The following PCDH15 variants were observed in gnomAD, a reference collection of about 807,000 sequenced individuals.
PCDH15 encodes protocadherin-15.
In PCDH15, 129 loss-of-function variants were observed where a neutral mutation model predicts 178.5. That is an observed-to-expected ratio of 0.72 (90% CI 0.63 to 0.84). PCDH15 has a LOEUF of 0.84. Among genes scored for constraint, PCDH15 ranks in the 40% least tolerant of loss-of-function variants. PCDH15 has a pLI of 0.00. For missense variants in PCDH15, 2,230 were observed against 2,099.9 expected (o/e 1.06, Z -1.21); for synonymous variants, 800 against 732.0 (o/e 1.09, Z -1.50).
At position 53,828,568 on chromosome 10, in the gene PCDH15, T is replaced by C. The variant is rs778508372; in HGVS notation, c.4208A>G (p.Lys1403Arg). The part of the protein sequence containing the change: ...LVVLVSYRQF[K>R]VRQAECTKTA... ...GTAAAATGTTAATTATACTTACACT[T>C]TAAACCTGTTTGGGAAAGCAAGAGT... The change falls in exon 31 of 38, where the codon AAA (lysine) becomes AGA (arginine). Residue 1403 changes from lysine to arginine, a missense_variant. Coordinates refer to ENST00000644397, the MANE Select transcript of PCDH15 (RefSeq NM_001384140.1). 1.3e-5 allele frequency: 20 copies of C among 1,553,894 alleles called. No homozygotes were observed. The highest frequency in any genetic ancestry group is 3.3e-5 in the South Asian group (3 of 89,720).
intron 2 of PCDH15, among the ~76,000 whole-genome samples, chr10:55,038,445 T>G (rs1840788547): frequency 6.6e-6 from 1 of 152,232 alleles, no homozygotes; most frequent in African/African-American, 2.4e-5. Context: ...TGGTCAAGGA[T>G]AATCAAAAAT....
chr10:54,018,263 T>C (rs372708348), intron 20 of PCDH15, among the ~76,000 whole-genome samples: 2 of 152,228 alleles, frequency 1.3e-5, no homozygotes, highest in Non-Finnish European at 1.5e-5. Flanking sequence ...GCTTTGCTAT[T>C]GTAGTACTGG....
intron 2 of PCDH15, among the ~76,000 whole-genome samples, chr10:55,419,540 T>C (rs1253594069): frequency 1.3e-5 from 2 of 151,760 alleles, no homozygotes; most frequent in Non-Finnish European, 1.5e-5. Context: ...ACTAATCAGA[T>C]AGTAGCAGTT....
intron 23 of PCDH15, 150 bp from the exon 24 acceptor site, chr10:53,941,125 C>A: frequency 1.6e-6 from 1 of 632,246 alleles, no homozygotes; most frequent in African/African-American, 1.8e-5. Flanking sequence ...TCAAATCCCC[C>A]ACCCAACTGC....
chr10:54,523,052 A>C (rs1343290847), intron 3 of PCDH15, among the ~76,000 whole-genome samples: 1 of 152,236 alleles, frequency 6.6e-6, no homozygotes, highest in Non-Finnish European at 1.5e-5. Context: ...CACAAATGAC[A>C]GTAAAAGCAA....
chr10:55,406,066 T>C (rs1588995360), intron 2 of PCDH15, among the ~76,000 whole-genome samples: 1 of 102,712 alleles, frequency 9.7e-6, no homozygotes, highest in African/African-American at 4.5e-5. Context: ...CATGTTCCCA[T>C]CTAAAAAAAA....
chr10:55,000,182 G>A (rs1039994228), intron 2 of PCDH15, among the ~76,000 whole-genome samples: 48 of 152,112 alleles, frequency 3.2e-4, no homozygotes, highest in African/African-American at 9.4e-4. Flanking sequence ...GCCTGGGAGC[G>A]CTATGGGAGA....
chr10:55,027,593 T>C (rs892022865), intron 2 of PCDH15, among the ~76,000 whole-genome samples: 9 of 151,856 alleles, frequency 5.9e-5, no homozygotes, highest in South Asian at 4.1e-4. Flanking sequence ...ACAATCAAAG[T>C]TGAAATAAAG....
At chr10:55,623,109 CT>C (rs1304771118) in intron 2 of PCDH15, among the ~76,000 whole-genome samples, 3 of 152,092 alleles carry the variant, frequency 2.0e-5, no homozygotes, top group African/African-American at 7.2e-5. Context: ...CCACCTCCTG[CT>C]CTATATATTT....
intron 2 of PCDH15, among the ~76,000 whole-genome samples, chr10:55,020,951 C>T (rs1840312691): frequency 2.0e-5 from 3 of 152,126 alleles, no homozygotes; most frequent in African/African-American, 7.2e-5. Context: ...ATTCACAGAG[C>T]CAGGCAAAGG....
At chr10:54,874,761 AATTT>A (rs1954108595) in intron 3 of PCDH15, among the ~76,000 whole-genome samples, 1 of 152,194 alleles carries the variant, frequency 6.6e-6, no homozygotes, top group African/African-American at 2.4e-5. Context: ...GATCATCTTA[AATTT>A]TAAATGTATT....
chr10:54,655,774 C>G (rs923484621), intron 2 of PCDH15: 6 of 152,058 alleles, frequency 3.9e-5, no homozygotes, highest in African/African-American at 1.4e-4. Context: ...ACACAAGGAT[C>G]CACAAGATTA....
intron 2 of PCDH15, among the ~76,000 whole-genome samples, chr10:55,531,729 C>G (rs915286599): frequency 5.9e-5 from 9 of 151,948 alleles, no homozygotes; most frequent in African/African-American, 2.2e-4. Context: ...AGCCAAATTG[C>G]CAGATCATTC....
chr10:54,152,998 A>T, intron 14 of PCDH15, 102 bp downstream of exon 14: 2 of 1,289,320 alleles, frequency 1.6e-6, no homozygotes, highest in Non-Finnish European at 2.2e-6. Flanking sequence ...GATCTAATTT[A>T]GATGTTTATA....
intron 2 of PCDH15, among the ~76,000 whole-genome samples, chr10:54,574,112 C>A (rs1456001765): frequency 2.6e-5 from 4 of 151,692 alleles, no homozygotes; most frequent in Non-Finnish European, 5.9e-5. Context: ...TGCCTATGTC[C>A]TGAATGGTAA....
At chr10:53,937,972 C>T (rs1387576741) in intron 25 of PCDH15, among the ~76,000 whole-genome samples, 1 of 152,124 alleles carries the variant, frequency 6.6e-6, no homozygotes, top group Admixed American at 6.5e-5. Flanking sequence ...TAATAGTTAA[C>T]TTAAACTGGA....
intron 1 of PCDH15, among the ~76,000 whole-genome samples, chr10:54,693,857 G>A (rs2095173135): frequency 6.6e-6 from 1 of 152,092 alleles, no homozygotes; most frequent in African/African-American, 2.4e-5. Context: ...CTTACTGAGT[G>A]AAATGTCTAT....
chr10:54,391,689 C>A (rs113068249), intron 3 of PCDH15, among the ~76,000 whole-genome samples: 1 of 151,876 alleles, frequency 6.6e-6, no homozygotes. Flanking sequence ...GCAACACATA[C>A]CTGGCTATTA....
At chr10:54,670,167 T>C (rs1053083634) in intron 1 of PCDH15, among the ~76,000 whole-genome samples, 8 of 152,182 alleles carry the variant, frequency 5.3e-5, no homozygotes, top group African/African-American at 1.9e-4. Context: ...ATTTTTAAAA[T>C]TAAGAATATA....
Sources: allele counts gnomAD v4.1 joint callset (sites outside exome capture counted in the v4.1 genomes callset), GRCh38; gene constraint gnomAD v4.1.1; transcripts MANE v1.5; gene names NCBI Gene and HGNC (gene_info 2026-07-23, HGNC 2026-07-21).